Variants in DNAH2 observed in about 807,000 individuals in gnomAD.
DNAH2 encodes the protein dynein axonemal heavy chain 2, also known as axonemal beta dynein heavy chain 2.
In DNAH2, 323 loss-of-function variants were observed where a neutral mutation model predicts 523.5. The observed-to-expected ratio is 0.62, with a 90% CI of 0.56 to 0.68. DNAH2 has a LOEUF of 0.68. Ranked by LOEUF, DNAH2 falls within the 30% of genes least tolerant of loss-of-function variation. DNAH2 has a pLI of 0.00. For synonymous variants in DNAH2, 2,093 were observed against 2,177.4 expected, an observed-to-expected ratio of 0.96 and a Z score of 1.08; for missense variants, 4,907 against 5,701.5, an observed-to-expected ratio of 0.86 and a Z score of 4.49.
intron 63 of DNAH2, among the ~76,000 whole-genome samples, chr17:7,810,995 A>G (rs986243452): frequency 6.6e-6 from 1 of 152,234 alleles, no homozygotes; most frequent in Non-Finnish European, 1.5e-5. Flanking sequence ...GGGCCCCAGA[A>G]GGCTCTGAAA....
At chr17:7,729,467 G>T (rs900898173) in intron 4 of DNAH2, among the ~76,000 whole-genome samples, 38 of 151,930 alleles carry the variant, frequency 2.5e-4, no homozygotes, top group Non-Finnish European at 4.1e-4. Context: ...TTTTGCTCTT[G>T]TTGCCCAGCC....
chr17:7,804,869 C>A, intron 59 of DNAH2, 89 bp from the exon 60 acceptor site: 2 of 1,184,568 alleles, frequency 1.7e-6, no homozygotes, highest in Non-Finnish European at 1.2e-6. Context: ...AATTCTTTAG[C>A]TTTCTCTTTC....
In DNAH2 at chr17:7,798,676, A is replaced by G; in HGVS notation, c.8517A>G (p.Ser2839=). The G allele has an allele frequency of 6.2e-7, 1 of 1,613,966 alleles. No individual in the cohort carries two copies. Among genetic ancestry groups the G allele is most frequent in the Non-Finnish European group, 8.5e-7 (1 of 1,179,938 alleles). Residue 2839 remains serine, a synonymous_variant, in exon 55 of 86, where the codon TCA becomes TCG. Coordinates refer to ENST00000572933, the MANE Select transcript of DNAH2 (RefSeq NM_020877.5). The surrounding 1 kb of genome is among the most constrained non-coding windows in gnomAD (Gnocchi z 5.5). ...AGGACATCAACAACATCCTCAGCTC[A>G]GGCGAGGTGCCCAATCTCTACAAGC... The part of the protein sequence containing the change: ...FLEDINNILS[S]GEVPNLYKPD...
intron 72 of DNAH2, among the ~76,000 whole-genome samples, chr17:7,820,870 C>A (rs9905627): frequency 1.3e-5 from 2 of 152,062 alleles, no homozygotes; most frequent in South Asian, 4.2e-4. Flanking sequence ...GAAACCCCAT[C>A]TCTACTAAAA....
intron 11 of DNAH2, 73 bp downstream of exon 11, chr17:7,741,065 G>A (rs1410923144): frequency 2.6e-6 from 4 of 1,520,502 alleles, no homozygotes; most frequent in South Asian, 1.3e-5. Context: ...GCTCCTGAGA[G>A]GTTCCCCAAA....
rs1168751912 is a variant in DNAH2, at chr17:7,799,163, C to G, written c.8620C>G (p.Leu2874Val). The G allele has an allele frequency of 6.2e-7, 1 of 1,614,234 alleles. No homozygotes were observed. ...GCAGGTGCCTGAGTCATCGGACAGC[C>G]TCTTCGCCTACCTCATTGAACGCGT... ...VEQVPESSDS[L>V]FAYLIERVQN... The change falls in exon 56 of 86, where the codon CTC (leucine) becomes GTC (valine). Residue 2874 changes from leucine to valine, a missense_variant. Coordinates refer to ENST00000572933, the MANE Select transcript of DNAH2 (RefSeq NM_020877.5).
rs200109861 is a variant in DNAH2 at position 7,764,096 on chromosome 17, A to G, written c.3180-21A>G. ...GGCACTGGGCCTTCCACTCACTAGC[A>G]CTCCCTTTGCCCGCCTTCAGAATCA... is the stretch of plus-strand genomic sequence containing the variant. On this transcript the variant is annotated intron_variant, in intron 19 of 85. Transcript: ENST00000572933. 202 of 1,614,002 alleles carry G rather than the reference A, an allele frequency of 1.3e-4. 1 individual carries two copies. In the East Asian group the frequency reaches 2.8e-3, roughly 22 times the overall value.
chr17:7,779,883 A>G (rs191240957), intron 36 of DNAH2, among the ~76,000 whole-genome samples: 3 of 152,340 alleles, frequency 2.0e-5, no homozygotes. Flanking sequence ...CTATACACAC[A>G]GAACCTGGAG....
In DNAH2 at chr17:7,823,912, G is replaced by T; in HGVS notation, c.11408G>T (p.Cys3803Phe). 6.2e-7 allele frequency: 1 copy of T among 1,614,032 alleles called. No homozygotes were observed. The highest frequency in any genetic ancestry group is 8.5e-7 in the Non-Finnish European group (1 of 1,180,046). Residue 3803 changes from cysteine (C) to phenylalanine (F), a missense_variant, in exon 75 of 86, where the codon TGC becomes TTC. Physicochemically the swap from Cys to Phe is radical, Grantham distance 205 (BLOSUM62 -2). Coordinates refer to ENST00000572933, the MANE Select transcript of DNAH2 (RefSeq NM_020877.5). Reference protein sequence around the residue: ...RSLRQDRVAFCVTSFIITNLG... With the variant: ...RSLRQDRVAFFVTSFIITNLG... ...CTGCGCCAGGACCGCGTGGCCTTCT[G>T]CGTGACCTCCTTCATCATCACCAAC...
chr17:7,733,475 C>CTTTTTTTT (rs1199721840), intron 5 of DNAH2, among the ~76,000 whole-genome samples, 160 bp downstream of exon 5: 13 of 113,862 alleles, frequency 1.1e-4, no homozygotes, highest in South Asian at 8.3e-4. Context: ...CCTTCTTCTT[C>CTTTTTTTT]TTTTTTTTTT....
chr17:7,765,615 C>A (rs1335708518), intron 21 of DNAH2, 50 bp downstream of exon 21: 45 of 1,568,132 alleles, frequency 2.9e-5, no homozygotes, highest in Non-Finnish European at 3.8e-5. Context: ...TTTAGAGACC[C>A]CGCCTTCCAA....
Position 7,805,082 on chromosome 17 carries a change from G to T in DNAH2, c.9300+8G>T, listed in dbSNP as rs373580850. On this transcript the variant is annotated splice_region_variant and intron_variant, in intron 60 of 85. Coordinates refer to ENST00000572933, the MANE Select transcript of DNAH2 (RefSeq NM_020877.5). Reference sequence around the variant, plus strand: ...CTGGAAGAGGCCATGCGGGTACCAGGGGCGGGTGCAAGGATGGGAGCCAGG... The same window carrying T: ...CTGGAAGAGGCCATGCGGGTACCAGTGGCGGGTGCAAGGATGGGAGCCAGG... 15 of 1,612,224 alleles carry T rather than the reference G, an allele frequency of 9.3e-6. No homozygotes were observed. The African/African-American group carries it at 2.0e-4, about 22-fold the overall frequency.
At position 7,804,359 on chromosome 17, in the gene DNAH2, T is replaced by C; in HGVS notation, c.9076T>C (p.Leu3026=). The change falls in exon 59 of 86, where the codon TTG becomes CTG. Residue 3026 remains leucine (L), a synonymous_variant. Transcript: ENST00000572933. The part of the protein sequence containing the change: ...ETREKVQVMS[L]ELEDAKKKVA... ...TAGGGAAAAGGTGCAAGTGATGTCG[T>C]TGGAGCTGGAGGATGCCAAGAAGAA... is the stretch of plus-strand genomic sequence containing the variant. 6.2e-7 allele frequency: 1 copy of C among 1,614,064 alleles called. No individual in the cohort carries two copies. The highest frequency in any genetic ancestry group is 8.5e-7 in the Non-Finnish European group (1 of 1,180,004).
chr17:7,798,788 G>C lies in DNAH2; in HGVS notation c.8559+70G>C, dbSNP rs1291037905. 1.2e-5 allele frequency: 18 copies of C among 1,552,530 alleles called. No individual in the cohort carries two copies. In the Admixed American group the frequency reaches 2.3e-4, roughly 20 times the overall value. The stretch of plus-strand genomic sequence containing the variant: ...CCTAGCTGACCCCAGAAGGACCACA[G>C]CTCCCAGAATGTGCCACTGGCACAC... On this transcript the variant is annotated intron_variant, in intron 55 of 85. Transcript: ENST00000572933. The surrounding 1 kb of genome is among the most constrained non-coding windows in gnomAD (Gnocchi z 5.5).
At chr17:7,730,846 GGCTCAC>G (rs921695878) in intron 4 of DNAH2, among the ~76,000 whole-genome samples, 57 of 152,140 alleles carry the variant, frequency 3.7e-4, no homozygotes, top group Admixed American at 2.8e-3. Context: ...TGGGCACGGT[GGCTCAC>G]GCCTGTAATC....
At chr17:7,757,347 CT>C in intron 13 of DNAH2, 110 bp downstream of exon 13, 1 of 1,367,284 alleles carries the variant, frequency 7.3e-7, no homozygotes, top group Non-Finnish European at 9.8e-7. Context: ...TCCTCTACAT[CT>C]TTTCCATCTC....
chr17:7,776,976 G>A lies in DNAH2; in HGVS notation c.5058+87G>A, dbSNP rs111542224. The A allele has an allele frequency of 7.1e-6, 8 of 1,133,882 alleles. 1 individual carries two copies. In the South Asian group the frequency reaches 1.0e-4, roughly 15 times the overall value. 70.2% of individuals were successfully genotyped at this position (1,133,882 alleles called of 1,614,324 possible). ...TAGGAGCCCACTCGCTTGAGCCCAG[G>A]AGTTCGAGACCAGCCTGGGCAATAT... On this transcript the variant is annotated intron_variant, in intron 32 of 85. Transcript: ENST00000572933.
chr17:7,755,539 A>G (rs531273183), intron 12 of DNAH2, among the ~76,000 whole-genome samples: 3 of 152,286 alleles, frequency 2.0e-5, no homozygotes, highest in Non-Finnish European at 4.4e-5. Flanking sequence ...GGGGGTTAAC[A>G]GGAAGAAAAA....
intron 77 of DNAH2, among the ~76,000 whole-genome samples, chr17:7,827,506 C>T (rs1490873517): frequency 1.3e-5 from 2 of 151,946 alleles, no homozygotes; most frequent in African/African-American, 4.8e-5. Flanking sequence ...AGTGCAGTGG[C>T]GTGATCTCGG....
Sources: gnomAD v4.1 joint callset for allele counts (sites outside exome capture counted in the v4.1 genomes callset) on GRCh38, gnomAD v4.1.1 for gene constraint, Gnocchi (gnomAD v3.1) non-coding constraint, MANE v1.5 for transcripts, NCBI Gene and HGNC (gene_info 2026-07-23, HGNC 2026-07-21) for gene names.